Variants in CNTN4 observed in about 807,000 individuals in gnomAD.
CNTN4 encodes the protein contactin 4.
In CNTN4, 77 loss-of-function variants were observed where a neutral mutation model predicts 122.5. That is an observed-to-expected ratio of 0.63 (90% CI 0.52 to 0.76). CNTN4 has a LOEUF of 0.76. Among genes scored for constraint, CNTN4 ranks in the 30% least tolerant of loss-of-function variants. CNTN4 has a pLI of 0.00. For missense variants in CNTN4, 1,256 were observed against 1,259.1 expected (o/e 1.00, Z 0.04); for synonymous variants, 512 against 447.0 (o/e 1.15, Z -1.83).
chr3:2,715,602 A>G (rs569076483), intron 4 of CNTN4, among the ~76,000 whole-genome samples: 1 of 152,334 alleles, frequency 6.6e-6, no homozygotes, highest in African/African-American at 2.4e-5. Context: ...ACAAAATACC[A>G]TAAACTGGGT....
At chr3:2,755,532 A>G (rs1458962214) in intron 6 of CNTN4, among the ~76,000 whole-genome samples, 1 of 152,232 alleles carries the variant, frequency 6.6e-6, no homozygotes, top group Admixed American at 6.5e-5. Context: ...GTATAGTACT[A>G]GACAGAAAGA....
intron 2 of CNTN4, among the ~76,000 whole-genome samples, chr3:2,252,183 T>C (rs1049686764): frequency 6.6e-6 from 1 of 151,986 alleles, no homozygotes; most frequent in Non-Finnish European, 1.5e-5. Context: ...ATAATTGAAT[T>C]TATTTTTCCC....
chr3:2,841,807 G>C lies in CNTN4; in HGVS notation c.454+22226G>C, dbSNP rs1043707936. Among the ~76,000 whole-genome samples, 1 of 150,914 alleles carries C rather than the reference G, an allele frequency of 6.6e-6. No homozygotes were observed. The highest frequency in any genetic ancestry group is 2.5e-5 in the African/African-American group (1 of 40,262). On this transcript the variant is annotated intron_variant, in intron 7 of 24. Transcript: ENST00000418658. This position sits in a 1 kb window ranked among gnomAD's most constrained non-coding sequence, Gnocchi z 4.8. ...CCTCCCTTGACCACAAATATTAAAC[G>C]TTTCACCAGGGAAATGGCTGGTAAG...
At chr3:2,448,120 A>G (rs2048690864) in intron 3 of CNTN4, among the ~76,000 whole-genome samples, 1 of 152,176 alleles carries the variant, frequency 6.6e-6, no homozygotes. Context: ...GGATAAGATC[A>G]TCAAATAGTC....
intron 3 of CNTN4, among the ~76,000 whole-genome samples, chr3:2,566,897 TA>T (rs1197208461): frequency 6.6e-6 from 1 of 152,168 alleles, no homozygotes; most frequent in Non-Finnish European, 1.5e-5. Flanking sequence ...GTATTCTTAG[TA>T]ATTAGAGATG....
intron 3 of CNTN4, among the ~76,000 whole-genome samples, chr3:2,475,023 A>C (rs2075798857): frequency 6.6e-6 from 1 of 152,292 alleles, no homozygotes; most frequent in African/African-American, 2.4e-5. Context: ...TTTCTTAATG[A>C]GAAGGAGGTA....
At chr3:2,349,923 G>C (rs1382524241) in intron 3 of CNTN4, among the ~76,000 whole-genome samples, 1 of 152,112 alleles carries the variant, frequency 6.6e-6, no homozygotes, top group Non-Finnish European at 1.5e-5. Flanking sequence ...TATATGAACA[G>C]GATGAAATAG....
chr3:2,356,797 C>A (rs73119568), intron 3 of CNTN4, among the ~76,000 whole-genome samples: 6 of 152,316 alleles, frequency 3.9e-5, no homozygotes, highest in African/African-American at 1.4e-4. Flanking sequence ...GAACTTATTA[C>A]AGGCAAAGTG....
intron 3 of CNTN4, among the ~76,000 whole-genome samples, chr3:2,415,706 A>G (rs1386360380): frequency 3.9e-5 from 6 of 152,138 alleles, no homozygotes; most frequent in Non-Finnish European, 7.4e-5. Flanking sequence ...TCTATTAATA[A>G]TATGATTTCT....
chr3:2,878,606 T>G (rs2150948015), intron 8 of CNTN4, among the ~76,000 whole-genome samples: 2 of 152,062 alleles, frequency 1.3e-5, no homozygotes, highest in Middle Eastern at 3.4e-3. Context: ...TGTCTGTCTG[T>G]CTAGCTAGCT....
At chr3:3,020,810 A>G (rs1196310560) in intron 14 of CNTN4, among the ~76,000 whole-genome samples, 1 of 152,180 alleles carries the variant, frequency 6.6e-6, no homozygotes, top group African/African-American at 2.4e-5. Context: ...TGTCTCTCCT[A>G]ATTTACCTTT....
At chr3:2,473,192 C>T (rs1022591113) in intron 3 of CNTN4, among the ~76,000 whole-genome samples, 1 of 145,540 alleles carries the variant, frequency 6.9e-6, no homozygotes, top group Non-Finnish European at 1.5e-5. Flanking sequence ...AATCGTGCCA[C>T]TGTGCTCCAG....
chr3:2,938,509 G>A (rs933959906), intron 13 of CNTN4, among the ~76,000 whole-genome samples: 5 of 152,140 alleles, frequency 3.3e-5, no homozygotes, highest in African/African-American at 9.7e-5. Context: ...TGTTAAATCT[G>A]GAATTCAAAT....
chr3:2,938,299 C>G (rs2094583393), intron 13 of CNTN4, among the ~76,000 whole-genome samples: 2 of 151,926 alleles, frequency 1.3e-5, no homozygotes, highest in Non-Finnish European at 2.9e-5. Flanking sequence ...TTTTCAACCC[C>G]CCATCTGTCA....
At chr3:2,307,375 C>T (rs1384158061) in intron 2 of CNTN4, among the ~76,000 whole-genome samples, 1 of 151,114 alleles carries the variant, frequency 6.6e-6, no homozygotes, top group Non-Finnish European at 1.5e-5. Flanking sequence ...GCGGAGCTTG[C>T]AGTGGGCCGA....
At chr3:2,135,958 G>GT (rs1451426647) in intron 2 of CNTN4, among the ~76,000 whole-genome samples, 2 of 152,192 alleles carry the variant, frequency 1.3e-5, no homozygotes, top group Non-Finnish European at 2.9e-5. Context: ...TGTTTGATCT[G>GT]TTTTTTTCTG....
At chr3:2,769,744 C>G (rs2091006814) in intron 6 of CNTN4, among the ~76,000 whole-genome samples, 2 of 152,146 alleles carry the variant, frequency 1.3e-5, no homozygotes, top group African/African-American at 4.8e-5. Context: ...AAACAACATA[C>G]AGATGATAGA....
chr3:2,627,648 C>G (rs1256893381), intron 4 of CNTN4, among the ~76,000 whole-genome samples: 1 of 151,932 alleles, frequency 6.6e-6, no homozygotes, highest in Non-Finnish European at 1.5e-5. Flanking sequence ...TGCCCGCCAC[C>G]ACGCCTGGCT....
chr3:2,631,854 C>A (rs2082442104), intron 4 of CNTN4, among the ~76,000 whole-genome samples: 1 of 133,730 alleles, frequency 7.5e-6, no homozygotes, highest in African/African-American at 3.0e-5. Context: ...CATAGGGAGA[C>A]CGTATCTCTA....
Sources: allele counts gnomAD v4.1 joint callset (sites outside exome capture counted in the v4.1 genomes callset), GRCh38; gene constraint gnomAD v4.1.1; non-coding constraint Gnocchi (gnomAD v3.1); transcripts MANE v1.5; gene names NCBI Gene and HGNC (gene_info 2026-07-23, HGNC 2026-07-21).